The following SHANK2 variants were observed in gnomAD, a reference collection of about 807,000 sequenced individuals.
The protein encoded by SHANK2 is SH3 and multiple ankyrin repeat domains protein 2.
SHANK2 carries 43 observed loss-of-function variants against 133.7 expected under a neutral mutation model. The ratio of observed to expected loss-of-function variants is 0.32; its 90% confidence interval spans 0.25 to 0.41. SHANK2 has a LOEUF of 0.41. Among genes scored for constraint, SHANK2 ranks in the 10% least tolerant of loss-of-function variants. The probability of loss-of-function intolerance (pLI) is 1.00; values close to 1 mark genes in which losing one functional copy is unlikely to be tolerated. For missense variants in SHANK2, 1,994 were observed against 2,235.8 expected, an observed-to-expected ratio of 0.89 and a Z score of 2.18; for synonymous variants, 1,017 against 952.8, an observed-to-expected ratio of 1.07 and a Z score of -1.24.
intron 17 of SHANK2, among the ~76,000 whole-genome samples, chr11:70,584,980 C>T (rs77967357): frequency 0.056 from 8,550 of 152,276 alleles, 803 homozygotes; most frequent in African/African-American, 0.19. Context: ...TCAGCGGAGA[C>T]GCAGAGGCCT....
chr11:70,952,308 G>A (rs1268913120), intron 10 of SHANK2, among the ~76,000 whole-genome samples: 1 of 152,188 alleles, frequency 6.6e-6, no homozygotes, highest in Admixed American at 6.5e-5. Context: ...GGGTGACTGA[G>A]AACCAGGAAT....
chr11:71,250,642 A>G (rs1948162193), intron 1 of SHANK2, among the ~76,000 whole-genome samples: 2 of 152,134 alleles, frequency 1.3e-5, no homozygotes, highest in Admixed American at 1.3e-4. Flanking sequence ...AAAACTCCAA[A>G]AGCAATCGGC....
Position 71,188,559 on chromosome 11 carries a change from C to T in SHANK2, c.-13+36138G>A, listed in dbSNP as rs1591002087. 6.6e-6 allele frequency among the ~76,000 whole-genome samples: 1 copy of T among 152,218 alleles called. No homozygotes were observed. Among genetic ancestry groups the T allele is most frequent in the Admixed American group, 6.5e-5 (1 of 15,292 alleles). ...TGAGTAATTGAAAGGTGGAAATAAA[C>T]GAGGCCCCATGAATTACCCTGGCAA... On this transcript the variant is annotated intron_variant, in intron 2 of 25. Transcript: ENST00000601538. This position sits in a 1 kb window ranked among gnomAD's most constrained non-coding sequence, Gnocchi z 4.6.
chr11:70,607,469 C>G (rs577384542), intron 17 of SHANK2, among the ~76,000 whole-genome samples: 1 of 152,342 alleles, frequency 6.6e-6, no homozygotes, highest in East Asian at 1.9e-4. Context: ...CACCATCACA[C>G]CCCACTCCCT....
At chr11:71,093,072 A>C in intron 7 of SHANK2, among the ~76,000 whole-genome samples, 3 of 148,676 alleles carry the variant, frequency 2.0e-5, no homozygotes, top group Admixed American at 6.8e-5. Context: ...GGCAGGTATA[A>C]CTTTAGACAA....
intron 14 of SHANK2, among the ~76,000 whole-genome samples, chr11:70,776,439 A>C (rs1298236025): frequency 6.6e-6 from 1 of 152,156 alleles, no homozygotes; most frequent in Non-Finnish European, 1.5e-5. Context: ...CTAGGGGCCA[A>C]AGACTCGAAG....
chr11:70,897,961 C>T (rs971108163), intron 10 of SHANK2, among the ~76,000 whole-genome samples: 7 of 146,348 alleles, frequency 4.8e-5, no homozygotes, highest in Non-Finnish European at 4.5e-5. Context: ...CACACACACA[C>T]TTTTTTTTTT....
intron 17 of SHANK2, among the ~76,000 whole-genome samples, chr11:70,596,285 A>G (rs560069773): frequency 1.1e-4 from 16 of 152,136 alleles, no homozygotes; most frequent in Non-Finnish European, 1.8e-4. Context: ...CCTCCTGCTG[A>G]CTTCAATTCC....
intron 11 of SHANK2, among the ~76,000 whole-genome samples, chr11:70,853,535 G>A (rs1257581090): frequency 6.6e-6 from 1 of 152,154 alleles, no homozygotes; most frequent in Non-Finnish European, 1.5e-5. Context: ...AGCAGGCAGG[G>A]CAAAGGCAAA....
intron 14 of SHANK2, among the ~76,000 whole-genome samples, 192 bp downstream of exon 14, chr11:70,798,251 A>C (rs1222614056): frequency 1.3e-5 from 2 of 152,186 alleles, no homozygotes; most frequent in African/African-American, 2.4e-5. Flanking sequence ...TCTTGTAAGG[A>C]ATTTCTGGTT....
At chr11:71,131,496 T>C (rs1952306904) in intron 3 of SHANK2, among the ~76,000 whole-genome samples, 1 of 152,192 alleles carries the variant, frequency 6.6e-6, no homozygotes, top group Non-Finnish European at 1.5e-5. Flanking sequence ...CGCTGGATGC[T>C]GTGGCGAAGC....
At chr11:70,502,049 G>C in intron 19 of SHANK2, 118 bp from the exon 20 acceptor site, 1 of 1,305,878 alleles carries the variant, frequency 7.7e-7, no homozygotes, top group Non-Finnish European at 1.1e-6. Flanking sequence ...ATGGGGCTGC[G>C]GGGCATGCAG....
In SHANK2 at chr11:70,479,369, G is replaced by A. The variant is rs571754320; in HGVS notation, c.4980-5930C>T. ...GAGGCTGTCAGGATAATACTGCAGA[G>A]AGCCCAGTAGGGACTGGAGGCCTTG... On this transcript the variant is annotated intron_variant, in intron 25 of 25. Transcript: ENST00000601538. This position sits in a 1 kb window ranked among gnomAD's most constrained non-coding sequence, Gnocchi z 4.4. Among the ~76,000 whole-genome samples, 1 of 152,344 alleles carries A rather than the reference G, an allele frequency of 6.6e-6. No individual in the cohort carries two copies. The highest frequency in any genetic ancestry group is 3.4e-3 in the Middle Eastern group (1 of 294).
chr11:70,826,762 C>T, intron 11 of SHANK2: 1 of 303,596 alleles, frequency 3.3e-6, no homozygotes, highest in South Asian at 2.9e-5. Flanking sequence ...CCGGCTACCT[C>T]TCGCGGCGCG....
At chr11:70,800,219 T>G (rs2135232696) in intron 13 of SHANK2, among the ~76,000 whole-genome samples, 1 of 152,186 alleles carries the variant, frequency 6.6e-6, no homozygotes, top group South Asian at 2.1e-4. Flanking sequence ...AGAGACAGGG[T>G]CTCACTATGT....
intron 3 of SHANK2, among the ~76,000 whole-genome samples, chr11:71,127,363 GA>G (rs1952212880): frequency 6.6e-6 from 1 of 152,236 alleles, no homozygotes; most frequent in South Asian, 2.1e-4. Flanking sequence ...CAGGGTTTGA[GA>G]AGATTTCATC....
intron 11 of SHANK2, among the ~76,000 whole-genome samples, chr11:70,827,690 A>AAC (rs113156725): frequency 0.059 from 7,688 of 130,368 alleles, 242 homozygotes; most frequent in Non-Finnish European, 0.077. Context: ...AGAAATTTAA[A>AAC]ACACACACAC....
intron 3 of SHANK2, among the ~76,000 whole-genome samples, chr11:71,119,299 T>C (rs1451488207): frequency 6.6e-6 from 1 of 152,198 alleles, no homozygotes; most frequent in Non-Finnish European, 1.5e-5. Context: ...TCTCCAGCAC[T>C]GGCCGGGTGC....
intron 10 of SHANK2, among the ~76,000 whole-genome samples, chr11:70,954,876 G>C (rs1367420471): frequency 6.6e-6 from 1 of 152,248 alleles, no homozygotes; most frequent in Non-Finnish European, 1.5e-5. Context: ...CCTATGCCCT[G>C]TTCATTGTCC....
Sources: gnomAD v4.1 joint callset for allele counts (sites outside exome capture counted in the v4.1 genomes callset) on GRCh38, gnomAD v4.1.1 for gene constraint, Gnocchi (gnomAD v3.1) non-coding constraint, MANE v1.5 for transcripts, NCBI Gene and HGNC (gene_info 2026-07-23, HGNC 2026-07-21) for gene names.